The following MGAM2 variants were observed in gnomAD, a reference collection of about 807,000 sequenced individuals.
MGAM2 encodes the protein probable maltase-glucoamylase 2.
In MGAM2, 98 loss-of-function variants were observed where a neutral mutation model predicts 96.1. The observed-to-expected ratio is 1.02, with a 90% CI of 0.87 to 1.21. The LOEUF (loss-of-function observed/expected upper bound fraction) is 1.21. MGAM2 is among the 50% of genes most tolerant of loss of function. The pLI is 0.00. For missense variants in MGAM2, 2,055 were observed against 1,182.4 expected (o/e 1.74, Z -10.82); for synonymous variants, 749 against 414.8 (o/e 1.81, Z -9.79).
At position 142,196,217 on chromosome 7, in the gene MGAM2, TG is replaced by T; in HGVS notation, c.4412del (p.Gly1471AspfsTer25). ...TCACCCGCTCCACATTTCCCTCTTC[TG>T]GACGCTGGGGAGGACACCGGTTGGG... ...IITRSTFPSS[G>X]RWGGHRLGNN... On this transcript the variant is annotated frameshift_variant, in exon 38 of 48. Coordinates refer to ENST00000477922, the MANE Select transcript of MGAM2 (RefSeq NM_001293626.2). LOFTEE classifies it high-confidence loss of function. 1 of 1,127,334 alleles carries T rather than the reference TG, an allele frequency of 8.9e-7. No individual in the cohort carries two copies. The highest frequency in any genetic ancestry group is 1.3e-6 in the Non-Finnish European group (1 of 758,260). The allele number at this position is 1,127,334 out of a possible 1,614,324, so 69.8% of individuals were successfully genotyped here.
At position 142,137,343 on chromosome 7, in the gene MGAM2, ACT is replaced by A. The variant is rs1563254217; in HGVS notation, c.848-87_848-86del. 37 of 522,004 alleles carry A rather than the reference ACT, an allele frequency of 7.1e-5. 1 individual carries two copies. The South Asian group carries it at 1.0e-3, about 15-fold the overall frequency. The allele number at this position is 522,004 out of a possible 1,614,324, so 32.3% of individuals were successfully genotyped here. On this transcript the variant is annotated intron_variant, in intron 8 of 47. Coordinates refer to ENST00000477922, the MANE Select transcript of MGAM2 (RefSeq NM_001293626.2). ...TCATCCCTTTCAAAATGAGACTGAG[ACT>A]CTTTTAGGTGGCTCAACTATTTCTA...
intron 45 of MGAM2, among the ~76,000 whole-genome samples, chr7:142,207,001 T>C (rs1312235234): frequency 6.6e-6 from 1 of 152,230 alleles, no homozygotes; most frequent in Non-Finnish European, 1.5e-5. Flanking sequence ...AATTTTAAAA[T>C]ATGAGTTGTA....
chr7:142,132,757 A>C lies in MGAM2; in HGVS notation c.575+672A>C, dbSNP rs1291268063. ...AAATATGTAATAACATATAATATAT[A>C]ATATATAATTATATAATATAATATA... is the stretch of plus-strand genomic sequence containing the variant. On this transcript the variant is annotated intron_variant, in intron 6 of 47. Transcript: ENST00000477922. Among the ~76,000 whole-genome samples the C allele has an allele frequency of 5.6e-5, 7 of 125,708 alleles. No homozygotes were observed. The South Asian group carries it at 9.4e-4, about 17-fold the overall frequency. The allele number at this position is 125,708 out of a possible 152,430, so 82.5% of individuals were successfully genotyped here. A position where few individuals can be genotyped will look rare whatever the true frequency, so the allele number is the denominator to read the frequency against.
At chr7:142,158,190 G>T (rs75524275) in intron 18 of MGAM2, 58 bp from the exon 19 acceptor site, 2 of 701,208 alleles carry the variant, frequency 2.9e-6, no homozygotes, top group East Asian at 5.4e-5. Flanking sequence ...GTTACATAAT[G>T]TGCCATTGTC....
At chr7:142,171,231 C>A in intron 27 of MGAM2, 41 bp from the exon 28 acceptor site, 3 of 701,536 alleles carry the variant, frequency 4.3e-6, no homozygotes, top group South Asian at 1.5e-5. Context: ...TAGCTCTGGC[C>A]AGTGGTCTCC....
intron 43 of MGAM2, 114 bp downstream of exon 43, chr7:142,198,309 A>G: frequency 3.2e-6 from 2 of 629,850 alleles, no homozygotes; most frequent in Non-Finnish European, 5.7e-6. Context: ...TGACCTTTTT[A>G]GCCTTGGCAA....
At chr7:142,197,814 T>C in intron 42 of MGAM2, 86 bp downstream of exon 42, 1 of 693,980 alleles carries the variant, frequency 1.4e-6, no homozygotes, top group Non-Finnish European at 2.6e-6. Flanking sequence ...TCTTATTTTG[T>C]CCAGCTCACT....
chr7:142,174,733 T>TTTTTTTTTTTTTGA (rs1554509447), intron 31 of MGAM2, among the ~76,000 whole-genome samples: 1 of 143,624 alleles, frequency 7.0e-6, no homozygotes. Flanking sequence ...TTTTTTTTTT[T>TTTTTTTTTTTTTGA]GAGTTGGAGT....
chr7:142,167,814 C>T (rs1438756090), intron 26 of MGAM2, among the ~76,000 whole-genome samples: 1 of 152,132 alleles, frequency 6.6e-6, no homozygotes, highest in African/African-American at 2.4e-5. Flanking sequence ...TCAAGCAATC[C>T]ACCTCCCTCT....
chr7:142,179,780 A>C (rs1177470783), intron 32 of MGAM2, among the ~76,000 whole-genome samples: 9 of 151,952 alleles, frequency 5.9e-5, no homozygotes. Flanking sequence ...TTTGTTGAGG[A>C]TTTTTGCATC....
intron 40 of MGAM2, 129 bp from the exon 41 acceptor site, chr7:142,197,271 T>C: frequency 1.6e-6 from 1 of 611,696 alleles, no homozygotes; most frequent in Non-Finnish European, 2.9e-6. Context: ...GGGGAAAGGG[T>C]AGGCCAGGAA....
intron 45 of MGAM2, among the ~76,000 whole-genome samples, chr7:142,202,231 T>G (rs1797259376): frequency 6.6e-6 from 1 of 152,210 alleles, no homozygotes; most frequent in Non-Finnish European, 1.5e-5. Flanking sequence ...TCCCTGGGTA[T>G]CCATAGGCGG....
At chr7:142,199,753 G>A (rs1175370242) in intron 44 of MGAM2, 127 bp from the exon 45 acceptor site, 1 of 439,220 alleles carries the variant, frequency 2.3e-6, no homozygotes, top group Non-Finnish European at 4.0e-6. Context: ...CCTATTTTTA[G>A]AACTTTATAT....
At chr7:142,217,568 T>C (rs1286406478) in intron 46 of MGAM2, among the ~76,000 whole-genome samples, 2 of 152,070 alleles carry the variant, frequency 1.3e-5, no homozygotes, top group East Asian at 3.9e-4. Context: ...ACTCAGGAAG[T>C]ATGTCTTCAT....
chr7:142,126,318 G>T (rs1794732492), intron 3 of MGAM2, among the ~76,000 whole-genome samples: 1 of 151,706 alleles, frequency 6.6e-6, no homozygotes, highest in Admixed American at 6.6e-5. Context: ...AATGAAATGG[G>T]CCTATGTATT....
chr7:142,150,328 T>C (rs963476969), intron 15 of MGAM2, among the ~76,000 whole-genome samples: 2 of 152,212 alleles, frequency 1.3e-5, no homozygotes, highest in Admixed American at 1.3e-4. Context: ...CCATCTTTTA[T>C]GCCTTTTGTG....
At chr7:142,170,844 A>C (rs1042193910) in intron 27 of MGAM2, among the ~76,000 whole-genome samples, 1 of 152,094 alleles carries the variant, frequency 6.6e-6, no homozygotes, top group African/African-American at 2.4e-5. Context: ...TGTGTGAGTG[A>C]TTTCCTCTCT....
chr7:142,168,563 C>A (rs1259337075), intron 26 of MGAM2, among the ~76,000 whole-genome samples: 1 of 152,186 alleles, frequency 6.6e-6, no homozygotes, highest in African/African-American at 2.4e-5. Context: ...AGCCACCACG[C>A]CCGGCCTCGA....
At chr7:142,124,543 A>G (rs1190144453) in intron 3 of MGAM2, among the ~76,000 whole-genome samples, 2 of 152,142 alleles carry the variant, frequency 1.3e-5, no homozygotes, top group Non-Finnish European at 2.9e-5. Context: ...TGCCTAGCTT[A>G]TTCTTTGCCC....
Sources: allele counts gnomAD v4.1 joint callset (sites outside exome capture counted in the v4.1 genomes callset), GRCh38; gene constraint gnomAD v4.1.1; transcripts MANE v1.5; gene names NCBI Gene and HGNC (gene_info 2026-07-23, HGNC 2026-07-21).